ZC3H13: variants seen among roughly 807,000 people sequenced by gnomAD.
The protein encoded by ZC3H13 is zinc finger CCCH-type containing 13.
In ZC3H13, 64 loss-of-function variants were observed where a neutral mutation model predicts 204.1. The observed-to-expected ratio is 0.31, with a 90% CI of 0.26 to 0.39. The LOEUF (loss-of-function observed/expected upper bound fraction) is 0.39, where lower values mean the gene tolerates loss of function less well. ZC3H13 is among the 10% of genes least tolerant of loss of function. The pLI is 1.00. For synonymous variants in ZC3H13, 667 were observed against 693.7 expected, an observed-to-expected ratio of 0.96 and a Z score of 0.60; for missense variants, 1,833 against 2,082.7, an observed-to-expected ratio of 0.88 and a Z score of 2.33.
chr13:46,016,926 T>G (rs9534284), intron 5 of ZC3H13, among the ~76,000 whole-genome samples: 59 of 151,760 alleles, frequency 3.9e-4, no homozygotes, highest in Non-Finnish European at 7.1e-4. Flanking sequence ...TTCAATGGTA[T>G]TGGGTACATA....
rs1249547301 is a variant in ZC3H13, at chr13:45,956,980, T to C, written c.*147A>G. Reference sequence around the variant, plus strand: ...TTAAGTTGGCCAAAACTAGTGTCTCTAAAGATCAAAATTCTTCACTCTTTT... The same window carrying C: ...TTAAGTTGGCCAAAACTAGTGTCTCCAAAGATCAAAATTCTTCACTCTTTT... On this transcript the variant is annotated 3_prime_UTR_variant, in exon 19 of 19. Transcript: ENST00000679008. The C allele has an allele frequency of 1.4e-6, 1 of 738,780 alleles. No individual in the cohort carries two copies. The allele number at this position is 738,780 out of a possible 1,614,324, so 45.8% of individuals were successfully genotyped here.
intron 11 of ZC3H13, 35 bp from the exon 12 acceptor site, chr13:45,975,873 T>G (rs757240840): frequency 1.3e-6 from 2 of 1,595,626 alleles, no homozygotes; most frequent in Admixed American, 3.4e-5. Context: ...AGTGATTAAT[T>G]TGACAGATAA....
In ZC3H13 at chr13:45,957,018, A is replaced by C; in HGVS notation, c.*109T>G. The C allele has an allele frequency of 9.7e-7, 1 of 1,035,880 alleles. No individual in the cohort carries two copies. The highest frequency in any genetic ancestry group is 4.0e-5 in the Admixed American group (1 of 25,046). 64.2% of individuals were successfully genotyped at this position (1,035,880 alleles called of 1,614,324 possible). On this transcript the variant is annotated 3_prime_UTR_variant, in exon 19 of 19. Coordinates refer to ENST00000679008, the MANE Select transcript of ZC3H13 (RefSeq NM_001330564.2). ...TCTTCACTCTTTTAGCATGGCTGAT[A>C]AATCTTTTCTGCCTTTGTCACTAAT...
At chr13:46,022,500 T>C (rs1022108535) in intron 4 of ZC3H13, among the ~76,000 whole-genome samples, 2 of 151,980 alleles carry the variant, frequency 1.3e-5, no homozygotes, top group African/African-American at 2.4e-5. Context: ...ACTCGTCCAA[T>C]GTAGTGTAGC....
rs754756213 is a variant in ZC3H13, at chr13:45,969,871, C to T, written c.2673G>A (p.Glu891=). The T allele has an allele frequency of 1.1e-5, 17 of 1,613,710 alleles. No homozygotes were observed. In the African/African-American group the frequency reaches 1.3e-4, roughly 13 times the overall value. ...CTTTCCTTTCTGGTTTACGATCCTCCTCTTTCCATCTACCCTGTCTGTCTT... is the reference window on the plus strand; with the variant it reads ...CTTTCCTTTCTGGTTTACGATCCTCTTCTTTCCATCTACCCTGTCTGTCTT... The part of the protein sequence containing the change: ...LTEDRQGRWK[E]EDRKPERKES... Residue 891 remains glutamate (E), a synonymous_variant, in exon 14 of 19, where the codon GAG becomes GAA. Coordinates refer to ENST00000679008, the MANE Select transcript of ZC3H13 (RefSeq NM_001330564.2).
chr13:46,006,051 C>T (rs1031190793), intron 7 of ZC3H13, among the ~76,000 whole-genome samples: 6 of 148,786 alleles, frequency 4.0e-5, no homozygotes, highest in African/African-American at 7.5e-5. Context: ...GCTGACTGCA[C>T]ACCAGCCTGG....
intron 17 of ZC3H13, among the ~76,000 whole-genome samples, chr13:45,961,010 A>T (rs1237184723): frequency 6.6e-6 from 1 of 152,228 alleles, no homozygotes; most frequent in Non-Finnish European, 1.5e-5. Flanking sequence ...GTTCTCAAAC[A>T]CTGGAGTCTA....
At chr13:45,998,892 T>A (rs2040538635) in intron 8 of ZC3H13, among the ~76,000 whole-genome samples, 1 of 152,062 alleles carries the variant, frequency 6.6e-6, no homozygotes, top group African/African-American at 2.4e-5. Context: ...TCGCAAAAGA[T>A]TTATCTGTAG....
At chr13:46,032,079 A>G (rs2042933031) in intron 4 of ZC3H13, among the ~76,000 whole-genome samples, 1 of 152,156 alleles carries the variant, frequency 6.6e-6, no homozygotes, top group Admixed American at 6.6e-5. Flanking sequence ...TACACTGTGG[A>G]CTATGAGTAA....
chr13:46,051,050 ACTCT>A (rs1230565787), intron 1 of ZC3H13, among the ~76,000 whole-genome samples: 9 of 152,180 alleles, frequency 5.9e-5, no homozygotes, highest in South Asian at 4.2e-4. Context: ...CTGAAAACCA[ACTCT>A]CTAAGTAAAT....
At chr13:45,958,655 T>C (rs867771353) in intron 18 of ZC3H13, among the ~76,000 whole-genome samples, 2,666 of 143,828 alleles carry the variant, frequency 0.019, 75 homozygotes, top group Middle Eastern at 0.052. Flanking sequence ...CCAGTTTTTT[T>C]TTTTTTTTTT....
chr13:46,004,337 C>T (rs1008536166), intron 7 of ZC3H13, among the ~76,000 whole-genome samples: 3 of 151,898 alleles, frequency 2.0e-5, no homozygotes, highest in East Asian at 3.9e-4. Flanking sequence ...GTCAGGAGTT[C>T]GAGACCAGCC....
chr13:46,052,256 C>T (rs2044510547), intron 1 of ZC3H13, 148 bp downstream of exon 1: 3 of 331,564 alleles, frequency 9.0e-6, no homozygotes, highest in Non-Finnish European at 1.6e-5. Context: ...GCACAGGGGG[C>T]TATTGCAGAG....
In ZC3H13 at chr13:45,969,938, C is replaced by A; in HGVS notation, c.2606G>T (p.Arg869Leu). The part of the protein sequence containing the change: ...EKHRLLSQVV[R>L]PQESRSLSPS... ...ACTAAGAGAACGAGATTCTTGAGGT[C>A]GTACAACTTGGCTCAAGAGTCTGTG... Residue 869 changes from arginine to leucine, a missense_variant, in exon 14 of 19, where the codon CGA becomes CTA. Coordinates refer to ENST00000679008, the MANE Select transcript of ZC3H13 (RefSeq NM_001330564.2). 1 of 1,612,326 alleles carries A rather than the reference C, an allele frequency of 6.2e-7. No individual in the cohort carries two copies. Among genetic ancestry groups the A allele is most frequent in the South Asian group, 1.1e-5 (1 of 90,920 alleles).
chr13:46,044,647 T>C (rs2043820538), intron 3 of ZC3H13, among the ~76,000 whole-genome samples: 1 of 152,044 alleles, frequency 6.6e-6, no homozygotes, highest in Non-Finnish European at 1.5e-5. Flanking sequence ...TCAGACACCA[T>C]GGAATTCTGC....
chr13:46,019,315 T>C (rs1246574984), intron 5 of ZC3H13, among the ~76,000 whole-genome samples: 1 of 152,148 alleles, frequency 6.6e-6, no homozygotes, highest in Admixed American at 6.6e-5. Flanking sequence ...ACAGACAATA[T>C]GTAACCAAAT....
Position 46,003,261 on chromosome 13 carries a change from G to A in ZC3H13, c.822C>T (p.Ile274=), listed in dbSNP as rs141455848. The part of the protein sequence containing the change: ...PSPPPPIPED[I]ALGKKYKEKY... Reference sequence around the variant, plus strand: ...TTTCTTTGTATTTTTTCCCCAGAGCGATATCTTCTGGTATAGGAGGGGGTG... The same window carrying A: ...TTTCTTTGTATTTTTTCCCCAGAGCAATATCTTCTGGTATAGGAGGGGGTG... The change falls in exon 8 of 19, where the codon ATC becomes ATT. Residue 274 remains isoleucine (I), a synonymous_variant. Transcript: ENST00000679008. The A allele has an allele frequency of 3.0e-5, 48 of 1,612,770 alleles. No homozygotes were observed. In the South Asian group the frequency reaches 3.3e-4, roughly 11 times the overall value.
chr13:46,030,119 A>C (rs2138968016), intron 4 of ZC3H13, among the ~76,000 whole-genome samples: 1 of 152,334 alleles, frequency 6.6e-6, no homozygotes, highest in Non-Finnish European at 1.5e-5. Context: ...GAGACTAACA[A>C]AGAAAACTCA....
chr13:45,958,321 G>C (rs1951417321), intron 18 of ZC3H13, among the ~76,000 whole-genome samples: 1 of 152,136 alleles, frequency 6.6e-6, no homozygotes, highest in Non-Finnish European at 1.5e-5. Flanking sequence ...CAAGTAAAAA[G>C]CTAGTGAAGT....
Sources: gnomAD v4.1 joint callset for allele counts (sites outside exome capture counted in the v4.1 genomes callset) on GRCh38, gnomAD v4.1.1 for gene constraint, MANE v1.5 for transcripts, NCBI Gene and HGNC (gene_info 2026-07-23, HGNC 2026-07-21) for gene names.